AK5: variants seen among roughly 807,000 people sequenced by gnomAD.
AK5 encodes adenylate kinase isoenzyme 5.
A neutral mutation model predicts 69.5 loss-of-function variants in AK5; 27 were observed. The ratio of observed to expected loss-of-function variants is 0.39; its 90% CI spans 0.29 to 0.54. AK5 has a LOEUF of 0.54. Ranked by LOEUF, AK5 falls within the 20% of genes least tolerant of loss-of-function variation. The pLI is 0.71. For synonymous variants in AK5, 260 were observed against 244.4 expected (o/e 1.06, Z -0.60); for missense variants, 531 against 700.4 (o/e 0.76, Z 2.73).
intron 10 of AK5, among the ~76,000 whole-genome samples, chr1:77,498,286 G>A (rs1263504225): frequency 1.3e-5 from 2 of 152,216 alleles, no homozygotes; most frequent in African/African-American, 4.8e-5. Flanking sequence ...AAGGGGTAAA[G>A]CCAGACGGTT....
chr1:77,438,294 C>A (rs1489990522), intron 8 of AK5, among the ~76,000 whole-genome samples: 96 of 52,758 alleles, frequency 1.8e-3, no homozygotes, highest in East Asian at 4.0e-3. Context: ...ATATTTGGTA[C>A]AAAAAAAAAA....
At chr1:77,290,252 T>G (rs1658612707) in intron 2 of AK5, among the ~76,000 whole-genome samples, 1 of 152,234 alleles carries the variant, frequency 6.6e-6, no homozygotes, top group African/African-American at 2.4e-5. Flanking sequence ...TTCTGTTTCA[T>G]GAAATGCTTT....
chr1:77,511,163 G>A (rs1475423837), intron 10 of AK5, among the ~76,000 whole-genome samples: 2 of 151,996 alleles, frequency 1.3e-5, no homozygotes, highest in African/African-American at 2.4e-5. Context: ...AAGCTAGAAA[G>A]GTTTCTAACC....
intron 5 of AK5, among the ~76,000 whole-genome samples, chr1:77,335,126 G>C (rs566292278): frequency 6.6e-6 from 1 of 152,152 alleles, no homozygotes; most frequent in Non-Finnish European, 1.5e-5. Context: ...TGACAGTTAA[G>C]AACAAGGAGC....
chr1:77,548,286 G>A (rs905053211), intron 13 of AK5, among the ~76,000 whole-genome samples: 7 of 152,106 alleles, frequency 4.6e-5, no homozygotes, highest in Non-Finnish European at 8.8e-5. Flanking sequence ...CTTTGATAAC[G>A]AGGAGAACTG....
At chr1:77,385,703 G>C (rs1311474843) in intron 6 of AK5, among the ~76,000 whole-genome samples, 2 of 152,188 alleles carry the variant, frequency 1.3e-5, no homozygotes, top group African/African-American at 4.8e-5. Context: ...GGAAATGCGA[G>C]AAAACATTAG....
chr1:77,394,816 T>C (rs1412630188), intron 6 of AK5, among the ~76,000 whole-genome samples: 2 of 152,214 alleles, frequency 1.3e-5, no homozygotes, highest in Non-Finnish European at 2.9e-5. Flanking sequence ...CAAATGTATG[T>C]ACTCAATAAA....
chr1:77,461,570 G>A (rs570843737), intron 8 of AK5, among the ~76,000 whole-genome samples: 1 of 151,872 alleles, frequency 6.6e-6, no homozygotes, highest in South Asian at 2.1e-4. Context: ...AAGAGATCAA[G>A]ACCACCCTGG....
intron 8 of AK5, among the ~76,000 whole-genome samples, chr1:77,448,076 G>T (rs780205922): frequency 6.6e-6 from 1 of 152,290 alleles, no homozygotes; most frequent in East Asian, 1.9e-4. Context: ...AGGCCTACAG[G>T]TCCCCCTTGA....
intron 13 of AK5, among the ~76,000 whole-genome samples, chr1:77,550,163 G>A (rs921332158): frequency 3.2e-4 from 49 of 151,986 alleles, no homozygotes; most frequent in Non-Finnish European, 2.2e-4. Flanking sequence ...AGCTGGTCTC[G>A]AGCTCCTGGG....
At chr1:77,415,756 G>C (rs999428639) in intron 7 of AK5, among the ~76,000 whole-genome samples, 1 of 152,166 alleles carries the variant, frequency 6.6e-6, no homozygotes, top group Admixed American at 6.5e-5. Flanking sequence ...TAGCGAAAGA[G>C]GGTCTGTATA....
At chr1:77,478,044 G>A (rs1655054453) in intron 8 of AK5, among the ~76,000 whole-genome samples, 1 of 152,174 alleles carries the variant, frequency 6.6e-6, no homozygotes, top group African/African-American at 2.4e-5. Flanking sequence ...ATGCTGCTGA[G>A]GAAGCAGAGG....
intron 13 of AK5, among the ~76,000 whole-genome samples, chr1:77,540,843 A>C (rs947912400): frequency 5.3e-5 from 8 of 152,174 alleles, no homozygotes; most frequent in Admixed American, 1.3e-4. Context: ...ACATGTCTAT[A>C]ATCACAGCAG....
rs1395436562 is a variant in AK5 at position 77,324,325 on chromosome 1, G to A, written c.700-16052G>A. ...AAAAAAGTTCACCATTTGCGTGTGT[G>A]TGTGTGTGTGTGTGTGTGTGTGTGT... On this transcript the variant is annotated intron_variant, in intron 5 of 13. Transcript: ENST00000354567. Among the ~76,000 whole-genome samples, 43 of 56,384 alleles carry A rather than the reference G, an allele frequency of 7.6e-4. No individual in the cohort carries two copies. The East Asian group carries it at 0.017, about 22-fold the overall frequency. The allele number at this position is 56,384 out of a possible 152,430, so 37.0% of individuals were successfully genotyped here.
At chr1:77,355,170 G>C (rs1443670495) in intron 6 of AK5, among the ~76,000 whole-genome samples, 1 of 152,182 alleles carries the variant, frequency 6.6e-6, no homozygotes, top group East Asian at 1.9e-4. Context: ...AATTCTGTCT[G>C]TCTCAGAAGA....
intron 10 of AK5, among the ~76,000 whole-genome samples, chr1:77,503,678 G>C (rs1018048195): frequency 6.6e-6 from 1 of 152,128 alleles, no homozygotes; most frequent in Non-Finnish European, 1.5e-5. Context: ...GAGGCAGACG[G>C]ATCACCTGAG....
intron 5 of AK5, chr1:77,314,147 G>T (rs1473541585): frequency 2.2e-5 from 7 of 322,124 alleles, no homozygotes; most frequent in Non-Finnish European, 3.6e-5. Flanking sequence ...ATGAATTGAA[G>T]AGTCGTTCTA....
chr1:77,359,959 G>C (rs1041755886), intron 6 of AK5, among the ~76,000 whole-genome samples: 4 of 152,154 alleles, frequency 2.6e-5, no homozygotes, highest in African/African-American at 9.7e-5. Flanking sequence ...CTGGAGCTGA[G>C]AGATAGATTG....
chr1:77,531,484 A>C (rs1032129828), intron 12 of AK5, among the ~76,000 whole-genome samples: 1 of 152,092 alleles, frequency 6.6e-6, no homozygotes, highest in Non-Finnish European at 1.5e-5. Flanking sequence ...CTAGATACAG[A>C]GTGTGGACAC....
Sources: allele counts gnomAD v4.1 joint callset (sites outside exome capture counted in the v4.1 genomes callset), GRCh38; gene constraint gnomAD v4.1.1; transcripts MANE v1.5; gene names NCBI Gene and HGNC (gene_info 2026-07-23, HGNC 2026-07-21).